Variants in AGBL3 observed in about 807,000 individuals in gnomAD.
AGBL3 encodes the protein cytosolic carboxypeptidase 3.
Under a neutral mutation model 94.5 loss-of-function variants are expected in AGBL3, and 68 were observed. The ratio of observed to expected loss-of-function variants is 0.72; its 90% CI spans 0.59 to 0.88. The LOEUF (loss-of-function observed/expected upper bound fraction) is 0.88, where lower values mean the gene tolerates loss of function less well. Among genes scored for constraint, AGBL3 ranks in the 40% least tolerant of loss-of-function variants. The pLI, the probability that AGBL3 is intolerant of heterozygous loss-of-function variation, is 0.00. For synonymous variants in AGBL3, 354 were observed against 370.7 expected, an observed-to-expected ratio of 0.95 and a Z score of 0.52; for missense variants, 934 against 1,103.8, an observed-to-expected ratio of 0.85 and a Z score of 2.18.
intron 15 of AGBL3, among the ~76,000 whole-genome samples, chr7:135,103,415 ACT>A (rs1824155789): frequency 6.6e-6 from 1 of 150,892 alleles, no homozygotes; most frequent in African/African-American, 2.4e-5. Context: ...CTTGAATCAA[ACT>A]CTCACCCATA....
chr7:135,133,067 GCA>G (rs55861736), intron 16 of AGBL3, among the ~76,000 whole-genome samples: 28,129 of 150,196 alleles, frequency 0.19, 2,504 homozygotes, highest in Non-Finnish European at 0.2. Flanking sequence ...ACGCATGCGT[GCA>G]CACACACACA....
chr7:135,059,875 T>G (rs1818674456), intron 12 of AGBL3, among the ~76,000 whole-genome samples: 1 of 152,202 alleles, frequency 6.6e-6, no homozygotes, highest in Non-Finnish European at 1.5e-5. Flanking sequence ...TAACTGCTTT[T>G]TGGTACATAA....
At chr7:135,051,592 C>T (rs1161844323) in intron 11 of AGBL3, among the ~76,000 whole-genome samples, 1 of 151,706 alleles carries the variant, frequency 6.6e-6, no homozygotes, top group African/African-American at 2.4e-5. Flanking sequence ...ATTATTGCGT[C>T]TAGGTTTTTT....
intron 15 of AGBL3, among the ~76,000 whole-genome samples, chr7:135,111,796 A>T (rs1825679187): frequency 6.6e-6 from 1 of 152,104 alleles, no homozygotes; most frequent in South Asian, 2.1e-4. Flanking sequence ...GGTCTTTCTC[A>T]CCACATACTT....
intron 4 of AGBL3, among the ~76,000 whole-genome samples, chr7:135,006,394 CA>C (rs1812391161): frequency 6.6e-6 from 1 of 151,674 alleles, no homozygotes; most frequent in Admixed American, 6.6e-5. Context: ...AAGGAAGGAA[CA>C]AAGTTAGAAT....
rs929487059 is a variant in AGBL3, at chr7:135,045,688, T to C, written c.1729-111T>C. 6 of 1,325,904 alleles carry C rather than the reference T, an allele frequency of 4.5e-6. No homozygotes were observed. In the African/African-American group the frequency reaches 8.8e-5, roughly 20 times the overall value. The allele number at this position is 1,325,904 out of a possible 1,614,324, so 82.1% of individuals were successfully genotyped here. A position where few individuals can be genotyped will look rare whatever the true frequency, so the allele number is the denominator to read the frequency against. On this transcript the variant is annotated intron_variant, in intron 10 of 16. Coordinates refer to ENST00000436302, the MANE Select transcript of AGBL3 (RefSeq NM_178563.4). ...ATGTCCCAACAGTGTTGTTGGGGTTTTAGCACTTAATTTCCCAGTAACAAT... is the reference window on the plus strand; with the variant it reads ...ATGTCCCAACAGTGTTGTTGGGGTTCTAGCACTTAATTTCCCAGTAACAAT...
intron 15 of AGBL3, among the ~76,000 whole-genome samples, chr7:135,110,350 G>T (rs1825446771): frequency 6.6e-6 from 1 of 152,172 alleles, no homozygotes; most frequent in African/African-American, 2.4e-5. Flanking sequence ...TTCCCACTTT[G>T]CTGGAGTTGC....
chr7:135,075,529 A>G (rs550359736), intron 12 of AGBL3, among the ~76,000 whole-genome samples: 19 of 152,346 alleles, frequency 1.2e-4, no homozygotes, highest in African/African-American at 4.6e-4. Flanking sequence ...CATTATGAAC[A>G]TAACATTAGT....
intron 15 of AGBL3, among the ~76,000 whole-genome samples, chr7:135,097,082 C>T (rs1396207829): frequency 6.6e-6 from 1 of 152,178 alleles, no homozygotes; most frequent in Non-Finnish European, 1.5e-5. Context: ...GGGCATACCA[C>T]CCAAATGAAT....
intron 2 of AGBL3, chr7:134,988,279 T>G (rs914686820): frequency 1.1e-5 from 3 of 283,576 alleles, no homozygotes; most frequent in Non-Finnish European, 2.0e-5. Flanking sequence ...TAGTAGGGTT[T>G]TAGTTTTAGG....
At chr7:135,051,424 G>A (rs546678817) in intron 11 of AGBL3, among the ~76,000 whole-genome samples, 37 of 152,156 alleles carry the variant, frequency 2.4e-4, no homozygotes, top group African/African-American at 8.7e-4. Flanking sequence ...TTTTTGACAT[G>A]ACTCTCATAG....
intron 11 of AGBL3, among the ~76,000 whole-genome samples, chr7:135,054,359 A>T (rs1818148798): frequency 6.6e-6 from 1 of 152,238 alleles, no homozygotes; most frequent in Non-Finnish European, 1.5e-5. Flanking sequence ...AATGAAACTT[A>T]AATTCCTTTT....
At chr7:135,050,029 A>G (rs1448128363) in intron 11 of AGBL3, among the ~76,000 whole-genome samples, 1 of 151,742 alleles carries the variant, frequency 6.6e-6, no homozygotes, top group Non-Finnish European at 1.5e-5. Context: ...AAATATATAC[A>G]TTTATCACAA....
At position 134,988,007 on chromosome 7, in the gene AGBL3, C is replaced by G; in HGVS notation, c.63+11C>G. 6.5e-7 allele frequency: 1 copy of G among 1,528,790 alleles called. No homozygotes were observed. The highest frequency in any genetic ancestry group is 8.8e-7 in the Non-Finnish European group (1 of 1,135,316). 94.7% of individuals were successfully genotyped at this position (1,528,790 alleles called of 1,614,324 possible). On this transcript the variant is annotated intron_variant, in intron 2 of 16. Transcript: ENST00000436302. Reference sequence around the variant, plus strand: ...GATGAAGATGAATCGGTATGTTTTTCTCAACTTTATTTTACTTGGAGATAA... The same window carrying G: ...GATGAAGATGAATCGGTATGTTTTTGTCAACTTTATTTTACTTGGAGATAA...
intron 4 of AGBL3, among the ~76,000 whole-genome samples, chr7:135,000,187 C>G (rs1244036437): frequency 1.3e-5 from 2 of 152,222 alleles, no homozygotes; most frequent in East Asian, 3.8e-4. Context: ...GGCATTTCAG[C>G]TTTCACGGTT....
At position 135,045,503 on chromosome 7, in the gene AGBL3, A is replaced by T; in HGVS notation, c.1657A>T (p.Lys553Ter). The change falls in exon 10 of 17, where the codon AAA becomes TAA. Residue 553 changes from lysine (K) to a stop codon, truncating the protein, a stop_gained. Coordinates refer to ENST00000436302, the MANE Select transcript of AGBL3 (RefSeq NM_178563.4). LOFTEE classifies it high-confidence loss of function. Reference protein sequence around the residue: ...GNKRGTHFSTKDLESMGYHFC... With the variant: ...GNKRGTHFST ...CAAACGAGGCACTCATTTCAGCACGAAAGACCTGGAATCAATGGGATATCA... is the reference window on the plus strand; with the variant it reads ...CAAACGAGGCACTCATTTCAGCACGTAAGACCTGGAATCAATGGGATATCA... 6.4e-7 allele frequency: 1 copy of T among 1,551,232 alleles called. No homozygotes were observed.
chr7:135,130,926 A>AT (rs1828663935), intron 16 of AGBL3, among the ~76,000 whole-genome samples: 1 of 152,094 alleles, frequency 6.6e-6, no homozygotes, highest in Non-Finnish European at 1.5e-5. Context: ...GCAAAGTAAA[A>AT]TTTTTTGGAA....
intron 15 of AGBL3, among the ~76,000 whole-genome samples, chr7:135,105,335 GC>G (rs34102944): frequency 0.44 from 67,357 of 151,990 alleles, 15,537 homozygotes; most frequent in East Asian, 0.78. Context: ...CTCCCAAAGT[GC>G]TGGGATTACA....
chr7:135,030,707 A>G (rs2116406859), intron 5 of AGBL3, among the ~76,000 whole-genome samples: 1 of 152,050 alleles, frequency 6.6e-6, no homozygotes, highest in East Asian at 1.9e-4. Flanking sequence ...AGAATTACAC[A>G]TATGTTGGAT....
Sources: gnomAD v4.1 joint callset for allele counts (sites outside exome capture counted in the v4.1 genomes callset) on GRCh38, gnomAD v4.1.1 for gene constraint, MANE v1.5 for transcripts, NCBI Gene and HGNC (gene_info 2026-07-23, HGNC 2026-07-21) for gene names.